Variants in ARL8B observed in about 807,000 individuals in gnomAD.
The protein encoded by ARL8B is ADP-ribosylation factor-like protein 8B.
Under a neutral mutation model 30.6 loss-of-function variants are expected in ARL8B, and 9 were observed. The ratio of observed to expected loss-of-function variants is 0.29; its 90% CI spans 0.18 to 0.51. ARL8B has a LOEUF of 0.51. ARL8B is among the 20% of genes least tolerant of loss of function. ARL8B has a pLI of 0.97. For missense variants in ARL8B, 130 were observed against 227.2 expected (o/e 0.57, Z 2.75); for synonymous variants, 74 against 76.0 (o/e 0.97, Z 0.14).
At chr3:5,139,664 A>G (rs1033970554) in intron 1 of ARL8B, among the ~76,000 whole-genome samples, 2 of 152,168 alleles carry the variant, frequency 1.3e-5, no homozygotes, top group Admixed American at 1.3e-4. Context: ...AGTGGAGTTT[A>G]TTTCCCTGGA....
intron 6 of ARL8B, among the ~76,000 whole-genome samples, chr3:5,175,292 G>T (rs558638658): frequency 1.3e-5 from 2 of 152,260 alleles, no homozygotes; most frequent in South Asian, 4.2e-4. Flanking sequence ...AGGACTGAAT[G>T]TATAACATCC....
Position 5,128,131 on chromosome 3 carries a change from C to G in ARL8B, c.123+5543C>G, listed in dbSNP as rs1004859297. Reference sequence around the variant, plus strand: ...TGAGCCGAAATTGAGCGACTGCACTCCAGCCTGGGCAACAGAGTGAAAATC... The same window carrying G: ...TGAGCCGAAATTGAGCGACTGCACTGCAGCCTGGGCAACAGAGTGAAAATC... On this transcript the variant is annotated intron_variant, in intron 1 of 6. Transcript: ENST00000256496. Among the ~76,000 whole-genome samples the G allele has an allele frequency of 2.1e-5, 3 of 145,844 alleles. No homozygotes were observed. The East Asian group carries it at 5.9e-4, about 29-fold the overall frequency.
intron 1 of ARL8B, 149 bp downstream of exon 1, chr3:5,122,737 A>G (rs1255271661): frequency 1.1e-5 from 10 of 945,660 alleles, no homozygotes; most frequent in Middle Eastern, 3.3e-4. Flanking sequence ...CCCGAGGGCC[A>G]GCATTTGGAA....
At position 5,174,942 on chromosome 3, in the gene ARL8B, A is replaced by G. The variant is rs1177562960; in HGVS notation, c.511+528A>G. Among the ~76,000 whole-genome samples the G allele has an allele frequency of 4.6e-5, 7 of 151,870 alleles. No individual in the cohort carries two copies. In the East Asian group the frequency reaches 1.4e-3, roughly 29 times the overall value. On this transcript the variant is annotated intron_variant, in intron 6 of 6. Coordinates refer to ENST00000256496, the MANE Select transcript of ARL8B (RefSeq NM_018184.3). ...CTCAGCCTCCTGAGTAGCTGGGACT[A>G]CAGACGTGCACCACCACGCCCGGCT...
chr3:5,127,448 T>C (rs2054239679), intron 1 of ARL8B, among the ~76,000 whole-genome samples: 1 of 152,190 alleles, frequency 6.6e-6, no homozygotes, highest in South Asian at 2.1e-4. Flanking sequence ...TAATGAGTAC[T>C]GTGTGTCTCT....
intron 6 of ARL8B, among the ~76,000 whole-genome samples, chr3:5,175,441 A>C (rs138840630): frequency 8.5e-5 from 13 of 152,374 alleles, no homozygotes; most frequent in African/African-American, 3.1e-4. Context: ...TTTTTGAAAT[A>C]AGACTTTACA....
At chr3:5,169,571 TC>T (rs59478365) in intron 1 of ARL8B, among the ~76,000 whole-genome samples, 21 of 151,670 alleles carry the variant, frequency 1.4e-4, no homozygotes, top group African/African-American at 2.7e-4. Context: ...TTTTTTCTTT[TC>T]CTCTTAATAG....
chr3:5,149,992 T>C (rs1403666757), intron 1 of ARL8B, among the ~76,000 whole-genome samples: 1 of 152,190 alleles, frequency 6.6e-6, no homozygotes, highest in African/African-American at 2.4e-5. Context: ...CCCTCTTGCT[T>C]GCTGTTAAGT....
intron 1 of ARL8B, among the ~76,000 whole-genome samples, chr3:5,167,648 C>T (rs1170708902): frequency 6.6e-6 from 1 of 152,188 alleles, no homozygotes; most frequent in Non-Finnish European, 1.5e-5. Context: ...TTGTTTTTCT[C>T]ATCTGAGAAA....
intron 1 of ARL8B, among the ~76,000 whole-genome samples, chr3:5,144,380 C>T (rs2054401387): frequency 6.6e-6 from 1 of 152,136 alleles, no homozygotes; most frequent in Admixed American, 6.5e-5. Context: ...TTCTAATCAC[C>T]TTTTTGTTTA....
At position 5,178,874 on chromosome 3, in the gene ARL8B, C is replaced by G. The variant is rs1229989754; in HGVS notation, c.*161C>G. 7 of 1,275,186 alleles carry G rather than the reference C, an allele frequency of 5.5e-6. No individual in the cohort carries two copies. The highest frequency in any genetic ancestry group is 7.3e-6 in the Non-Finnish European group (7 of 957,180). 79.0% of individuals were successfully genotyped at this position (1,275,186 alleles called of 1,614,324 possible). A position where few individuals can be genotyped will look rare whatever the true frequency, so the allele number is the denominator to read the frequency against. On this transcript the variant is annotated 3_prime_UTR_variant, in exon 7 of 7. Transcript: ENST00000256496. ...ACTGCTGAAGATGAATATCCCTAAT[C>G]CTTCATAAAGAATCAGCTAGAGTTG...
intron 1 of ARL8B, among the ~76,000 whole-genome samples, chr3:5,134,238 G>A (rs192211680): frequency 2.0e-5 from 3 of 152,048 alleles, no homozygotes; most frequent in Non-Finnish European, 2.9e-5. Flanking sequence ...CCAATGTTTC[G>A]GACACAAGGA....
chr3:5,167,598 A>G (rs767454340), intron 1 of ARL8B, among the ~76,000 whole-genome samples: 1 of 152,200 alleles, frequency 6.6e-6, no homozygotes, highest in Non-Finnish European at 1.5e-5. Context: ...GATCTTAAGA[A>G]CAATGTGACT....
At chr3:5,174,806 A>G (rs2054714163) in intron 6 of ARL8B, among the ~76,000 whole-genome samples, 1 of 147,886 alleles carries the variant, frequency 6.8e-6, no homozygotes, top group Non-Finnish European at 1.5e-5. Flanking sequence ...ATAATATTAT[A>G]TGTATATGTA....
intron 1 of ARL8B, among the ~76,000 whole-genome samples, chr3:5,160,461 G>C (rs114657024): frequency 6.6e-6 from 1 of 152,206 alleles, no homozygotes; most frequent in African/African-American, 2.4e-5. Flanking sequence ...TTTTTCAGGA[G>C]TAGAGGTAAG....
chr3:5,171,071 A>T (rs1257240200), intron 2 of ARL8B: 1 of 152,310 alleles, frequency 6.6e-6, no homozygotes, highest in African/African-American at 2.4e-5. Flanking sequence ...TCAAAAATCA[A>T]ATCTATGGCC....
At position 5,122,596 on chromosome 3, in the gene ARL8B, C is replaced by G. The variant is rs765256373; in HGVS notation, c.123+8C>G. The G allele has an allele frequency of 1.9e-6, 3 of 1,594,472 alleles. No individual in the cohort carries two copies. Among genetic ancestry groups the G allele is most frequent in the Non-Finnish European group, 2.6e-6 (3 of 1,167,714 alleles). ...TTCGTCAATGTCATCGCGGTGAGCG[C>G]CCGCCCACTCACTCGCCCGGGGCTC... On this transcript the variant is annotated splice_region_variant and intron_variant, in intron 1 of 6. Transcript: ENST00000256496.
chr3:5,135,109 A>G (rs533055083), intron 1 of ARL8B, among the ~76,000 whole-genome samples: 1 of 152,102 alleles, frequency 6.6e-6, no homozygotes, highest in East Asian at 1.9e-4. Context: ...TCAGCCTCCC[A>G]AAGTGTTGGG....
chr3:5,132,208 G>A (rs181422510), intron 1 of ARL8B, among the ~76,000 whole-genome samples: 1 of 152,136 alleles, frequency 6.6e-6, no homozygotes, highest in East Asian at 1.9e-4. Context: ...CCTTTCTGTA[G>A]TAGGTATTGC....
Sources: gnomAD v4.1 joint callset for allele counts (sites outside exome capture counted in the v4.1 genomes callset) on GRCh38, gnomAD v4.1.1 for gene constraint, MANE v1.5 for transcripts, NCBI Gene and HGNC (gene_info 2026-07-23, HGNC 2026-07-21) for gene names.